Variants in GFM1 observed in about 807,000 individuals in gnomAD.
GFM1 encodes elongation factor G, mitochondrial.
A neutral mutation model predicts 96.2 loss-of-function variants in GFM1; 62 were observed. That is an observed-to-expected ratio of 0.64 (90% CI 0.53 to 0.80). The LOEUF is 0.80. Ranked by LOEUF, GFM1 falls within the 30% of genes least tolerant of loss-of-function variation. The pLI is 0.00. For missense variants in GFM1, 852 were observed against 916.6 expected, an observed-to-expected ratio of 0.93 and a Z score of 0.91; for synonymous variants, 282 against 312.9, an observed-to-expected ratio of 0.90 and a Z score of 1.04.
chr3:158,681,618 A>G (rs1725388394), intron 13 of GFM1, among the ~76,000 whole-genome samples: 1 of 152,216 alleles, frequency 6.6e-6, no homozygotes, highest in African/African-American at 2.4e-5. Flanking sequence ...TCCTATTTTC[A>G]AGTAGTTGTC....
At chr3:158,647,213 T>C (rs992748602) in intron 4 of GFM1, among the ~76,000 whole-genome samples, 1 of 152,228 alleles carries the variant, frequency 6.6e-6, no homozygotes, top group Admixed American at 6.5e-5. Flanking sequence ...TCTGACCGTT[T>C]ATACTGTTTT....
chr3:158,671,273 A>G (rs997653708), intron 13 of GFM1, among the ~76,000 whole-genome samples: 2 of 152,248 alleles, frequency 1.3e-5, no homozygotes, highest in Non-Finnish European at 2.9e-5. Flanking sequence ...TTCAATCATC[A>G]AAAGACTTTA....
At chr3:158,645,951 T>G (rs1721749330) in intron 2 of GFM1, 170 bp downstream of exon 2, 1 of 834,266 alleles carries the variant, frequency 1.2e-6, no homozygotes, top group African/African-American at 1.7e-5. Context: ...TGTTCTGGTT[T>G]TATTTTTATT....
chr3:158,680,107 T>C (rs1725236121), intron 13 of GFM1, among the ~76,000 whole-genome samples: 1 of 152,196 alleles, frequency 6.6e-6, no homozygotes, highest in Non-Finnish European at 1.5e-5. Flanking sequence ...TGTATATATA[T>C]TTTTCGTTGT....
rs756945945 is a variant in GFM1 at position 158,649,068 on chromosome 3, T to G, written c.600T>G (p.Phe200Leu). 3.9e-6 allele frequency: 6 copies of G among 1,548,916 alleles called. No homozygotes were observed. The highest frequency in any genetic ancestry group is 5.4e-6 in the Non-Finnish European group (6 of 1,121,126). The change falls in exon 5 of 18, where the codon TTT becomes TTG. Residue 200 changes from phenylalanine to leucine, a missense_variant. By Grantham distance (22) the Phe-to-Leu change is conservative (BLOSUM62 0). Coordinates refer to ENST00000486715, the MANE Select transcript of GFM1 (RefSeq NM_024996.7). ...MRSKLNHNAA[F>L]MQIPMGLEGN... The stretch of plus-strand genomic sequence containing the variant: ...CTAAACTAAATCATAATGCAGCGTT[T>G]ATGCAGATACCCATGGGTTTGGAGG...
chr3:158,654,518 T>C, intron 7 of GFM1, 29 bp from the exon 8 acceptor site: 1 of 1,280,150 alleles, frequency 7.8e-7, no homozygotes. Context: ...ATATTACATC[T>C]CATAGATTTA....
intron 13 of GFM1, among the ~76,000 whole-genome samples, chr3:158,681,458 T>C (rs980537894): frequency 6.6e-6 from 1 of 152,256 alleles, no homozygotes; most frequent in Admixed American, 6.5e-5. Flanking sequence ...GACTTACTTA[T>C]GTTAGTCTCT....
chr3:158,688,559 T>C (rs1177651303), intron 15 of GFM1, among the ~76,000 whole-genome samples: 1 of 152,232 alleles, frequency 6.6e-6, no homozygotes, highest in Non-Finnish European at 1.5e-5. Flanking sequence ...TAACTAAATC[T>C]AGCTATATCT....
At chr3:158,646,666 T>G in intron 3 of GFM1, 77 bp from the exon 4 acceptor site, 1 of 1,189,832 alleles carries the variant, frequency 8.4e-7, no homozygotes, top group Non-Finnish European at 1.2e-6. Context: ...TGAGCAGAGA[T>G]ACAAAAACTT....
At chr3:158,687,572 A>T (rs984564657) in intron 15 of GFM1, among the ~76,000 whole-genome samples, 1 of 152,052 alleles carries the variant, frequency 6.6e-6, no homozygotes, top group South Asian at 2.1e-4. Context: ...GGTTCAAGCA[A>T]TTCTCCTGCC....
intron 8 of GFM1, 126 bp downstream of exon 8, chr3:158,654,757 G>GGAAA: frequency 1.4e-6 from 1 of 711,572 alleles, no homozygotes; most frequent in Non-Finnish European, 2.5e-6. Flanking sequence ...AGAAAGAGCA[G>GGAAA]GTAGAGAATT....
chr3:158,646,249 A>G lies in GFM1; in HGVS notation c.319A>G (p.Thr107Ala), dbSNP rs1407506470. 6.2e-7 allele frequency: 1 copy of G among 1,614,070 alleles called. No individual in the cohort carries two copies. The highest frequency in any genetic ancestry group is 8.5e-7 in the Non-Finnish European group (1 of 1,179,880). ...AGGAATCACTATTCAGTCAGCAGCC[A>G]CTTACACCATGTGGAAAGATGTCAA... ...QRGITIQSAA[T>A]YTMWKDVNIN... is the part of the protein sequence containing the mutation. Residue 107 changes from threonine (T) to alanine (A), a missense_variant, in exon 3 of 18, where the codon ACT becomes GCT. By Grantham distance (58) the Thr-to-Ala change is moderately conservative. Coordinates refer to ENST00000486715, the MANE Select transcript of GFM1 (RefSeq NM_024996.7).
chr3:158,661,874 G>A (rs1723223627), intron 10 of GFM1, among the ~76,000 whole-genome samples: 1 of 152,108 alleles, frequency 6.6e-6, no homozygotes, highest in East Asian at 1.9e-4. Flanking sequence ...CCTCTAATGT[G>A]TATATTATTA....
intron 13 of GFM1, among the ~76,000 whole-genome samples, chr3:158,679,689 G>A (rs1051015073): frequency 1.2e-4 from 19 of 152,032 alleles, no homozygotes; most frequent in African/African-American, 4.3e-4. Flanking sequence ...TTAGGTTGTC[G>A]TTGTGCATGT....
At chr3:158,664,366 C>G (rs867186766) in intron 11 of GFM1, among the ~76,000 whole-genome samples, 1 of 152,036 alleles carries the variant, frequency 6.6e-6, no homozygotes, top group Admixed American at 6.5e-5. Flanking sequence ...TCTGGAGGCT[C>G]TATGGGAGAA....
chr3:158,691,429 G>A lies in GFM1; in HGVS notation c.2218G>A (p.Gly740Ser), dbSNP rs1357989205. Reference protein sequence around the residue: ...DVINKYLEATGQLPVKKGKAK... With the variant: ...DVINKYLEATSQLPVKKGKAK... ...CATTAATAAGTATTTGGAAGCTACAGGTCAACTTCCTGTTAAAAAAGGAAA... is the reference window on the plus strand; with the variant it reads ...CATTAATAAGTATTTGGAAGCTACAAGTCAACTTCCTGTTAAAAAAGGAAA... The change falls in exon 18 of 18, where the codon GGT (glycine) becomes AGT (serine). Residue 740 changes from glycine (G) to serine (S), a missense_variant. Coordinates refer to ENST00000486715, the MANE Select transcript of GFM1 (RefSeq NM_024996.7). 6.2e-7 allele frequency: 1 copy of A among 1,613,766 alleles called. No homozygotes were observed. Among genetic ancestry groups the A allele is most frequent in the African/African-American group, 1.3e-5 (1 of 74,986 alleles).
At chr3:158,676,391 TAAC>T (rs1056721898) in intron 13 of GFM1, among the ~76,000 whole-genome samples, 4 of 152,286 alleles carry the variant, frequency 2.6e-5, no homozygotes, top group African/African-American at 9.6e-5. Context: ...CTTGGTATAA[TAAC>T]TACAGAAAAA....
At position 158,667,617 on chromosome 3, in the gene GFM1, C is replaced by A. The variant is rs190455957; in HGVS notation, c.1601+1231C>A. Among the ~76,000 whole-genome samples the A allele has an allele frequency of 5.4e-3, 823 of 152,228 alleles. 9 individuals are homozygous for A. Among genetic ancestry groups the A allele is most frequent in the Non-Finnish European group, 5.3e-3 (360 of 68,010 alleles). ...TCTGGGCAACACAGTGAAACCATGTCTCTATGAGAATAAACAAAAAATTAG... is the reference window on the plus strand; with the variant it reads ...TCTGGGCAACACAGTGAAACCATGTATCTATGAGAATAAACAAAAAATTAG... On this transcript the variant is annotated intron_variant, in intron 13 of 17. Coordinates refer to ENST00000486715, the MANE Select transcript of GFM1 (RefSeq NM_024996.7).
In GFM1 at chr3:158,658,575, C is replaced by CT. The variant is rs559038471; in HGVS notation, c.1084-339dup. Among the ~76,000 whole-genome samples the CT allele has an allele frequency of 2.8e-3, 428 of 151,946 alleles. 1 individual carries two copies. Among genetic ancestry groups the CT allele is most frequent in the African/African-American group, 0.01 (418 of 41,458 alleles). The stretch of plus-strand genomic sequence containing the variant: ...ATCTTTGTTGTTTTTCCAAGTATAC[C>CT]TTTTTTTTGTTTTATATCTTATTGT... On this transcript the variant is annotated intron_variant, in intron 8 of 17. Transcript: ENST00000486715.
Sources: gnomAD v4.1 joint callset for allele counts (sites outside exome capture counted in the v4.1 genomes callset) on GRCh38, gnomAD v4.1.1 for gene constraint, MANE v1.5 for transcripts, NCBI Gene and HGNC (gene_info 2026-07-23, HGNC 2026-07-21) for gene names.